The following PCDHGB6 variants were observed in gnomAD, a reference collection of about 807,000 sequenced individuals.
PCDHGB6 encodes the protein protocadherin gamma subfamily B, 6.
PCDHGB6 carries 51 observed loss-of-function variants against 59.1 expected under a neutral mutation model. That is an observed-to-expected ratio of 0.86 (90% CI 0.69 to 1.09). The LOEUF (loss-of-function observed/expected upper bound fraction) is 1.09. PCDHGB6 is among the 50% of genes least tolerant of loss of function. The pLI is 0.00. For missense variants in PCDHGB6, 1,148 were observed against 1,205.1 expected (o/e 0.95, Z 0.70); for synonymous variants, 466 against 495.1 (o/e 0.94, Z 0.78).
intron 1 of PCDHGB6, among the ~76,000 whole-genome samples, chr5:141,456,406 G>A (rs1038971451): frequency 2.0e-5 from 3 of 152,080 alleles, no homozygotes; most frequent in South Asian, 2.1e-4. Flanking sequence ...GCTTCTAGGC[G>A]AGAAGAAACA....
chr5:141,415,189 A>T (rs575244490), intron 1 of PCDHGB6: 2 of 1,613,840 alleles, frequency 1.2e-6, no homozygotes, highest in Non-Finnish European at 1.7e-6. Context: ...GGCCGACAGC[A>T]TCCCCCAAGT....
intron 1 of PCDHGB6, among the ~76,000 whole-genome samples, chr5:141,448,813 C>T (rs1020956433): frequency 2.0e-5 from 3 of 151,800 alleles, no homozygotes; most frequent in Admixed American, 1.3e-4. Context: ...GGCGTGATGG[C>T]GGGCGCCTGT....
chr5:141,419,845 G>A, intron 1 of PCDHGB6: 3 of 1,614,064 alleles, frequency 1.9e-6, no homozygotes, highest in Non-Finnish European at 2.5e-6. Context: ...CGCTGCACCT[G>A]GTGTTCGCAG....
At chr5:141,414,945 C>G in intron 1 of PCDHGB6, 2 of 1,614,098 alleles carry the variant, frequency 1.2e-6, no homozygotes, top group Non-Finnish European at 8.5e-7. Flanking sequence ...AGCCCGGCTA[C>G]CTGGTGACCA....
At chr5:141,419,023 A>T (rs768427376) in intron 1 of PCDHGB6, 2 of 1,613,958 alleles carry the variant, frequency 1.2e-6, no homozygotes, top group Non-Finnish European at 1.7e-6. Flanking sequence ...GCTTAAGTAG[A>T]GGTGTTCCAT....
chr5:141,447,942 T>C (rs1476141059), intron 1 of PCDHGB6, among the ~76,000 whole-genome samples: 2 of 151,740 alleles, frequency 1.3e-5, no homozygotes, highest in African/African-American at 4.8e-5. Context: ...AAAAATTAGC[T>C]GGGCATGGTG....
At position 141,490,807 on chromosome 5, in the gene PCDHGB6, G is replaced by T. The variant is rs1315856354; in HGVS notation, c.2419-4000G>T. Reference sequence around the variant, plus strand: ...ACGGATCTTTGCCCAGCGTACCTTTGACTATGAATTGCTGCAGATGCTGCA... The same window carrying T: ...ACGGATCTTTGCCCAGCGTACCTTTTACTATGAATTGCTGCAGATGCTGCA... On this transcript the variant is annotated intron_variant, in intron 1 of 3. Transcript: ENST00000520790. This position sits in a 1 kb window ranked among gnomAD's most constrained non-coding sequence, Gnocchi z 5.4. 6.2e-7 allele frequency: 1 copy of T among 1,613,924 alleles called. No individual in the cohort carries two copies. The highest frequency in any genetic ancestry group is 8.5e-7 in the Non-Finnish European group (1 of 1,179,870).
intron 1 of PCDHGB6, among the ~76,000 whole-genome samples, chr5:141,474,926 C>T (rs756761848): frequency 1.3e-5 from 2 of 152,218 alleles, no homozygotes; most frequent in Non-Finnish European, 2.9e-5. Context: ...TCATCTCTGG[C>T]TTATATCACA....
chr5:141,505,570 C>A, intron 3 of PCDHGB6, 89 bp downstream of exon 3: 1 of 1,598,160 alleles, frequency 6.3e-7, no homozygotes, highest in South Asian at 1.1e-5. Context: ...GACTGGATGT[C>A]AAACCTGTGT....
intron 1 of PCDHGB6, among the ~76,000 whole-genome samples, chr5:141,438,771 C>T (rs1056879944): frequency 1.3e-5 from 2 of 149,126 alleles, no homozygotes; most frequent in Non-Finnish European, 3.0e-5. Flanking sequence ...AAGCGATTCT[C>T]CTGCCTCAGC....
Position 141,489,409 on chromosome 5 carries a change from A to T in PCDHGB6, c.2419-5398A>T. On this transcript the variant is annotated intron_variant, in intron 1 of 3. Transcript: ENST00000520790. The surrounding 1 kb of genome is among the most constrained non-coding windows in gnomAD (Gnocchi z 4.5). ...TGCTCAGGATCTGGGCTTAAAGATG[A>T]CAGATCTGTTGAGCCGGCGGCTGCA... 1.9e-6 allele frequency: 3 copies of T among 1,614,114 alleles called. No homozygotes were observed. The highest frequency in any genetic ancestry group is 2.5e-6 in the Non-Finnish European group (3 of 1,180,004).
chr5:141,455,593 C>G (rs957677108), intron 1 of PCDHGB6, among the ~76,000 whole-genome samples: 19 of 152,068 alleles, frequency 1.2e-4, no homozygotes, highest in African/African-American at 4.6e-4. Context: ...AATATGCAAA[C>G]GTAGGGCGCC....
chr5:141,458,394 T>A (rs2098944697), intron 1 of PCDHGB6, among the ~76,000 whole-genome samples: 1 of 152,062 alleles, frequency 6.6e-6, no homozygotes, highest in African/African-American at 2.4e-5. Context: ...ACGCTCCCCC[T>A]TGCAGAGACG....
Position 141,477,403 on chromosome 5 carries a change from C to T in PCDHGB6, c.2419-17404C>T, listed in dbSNP as rs1329599078. 2 of 1,614,164 alleles carry T rather than the reference C, an allele frequency of 1.2e-6. No individual in the cohort carries two copies. Among genetic ancestry groups the T allele is most frequent in the Non-Finnish European group, 1.7e-6 (2 of 1,180,042 alleles). ...CAGAATACAACCTCAGCATCACCGC[C>T]CGAGACGCCGGAACCCCTTCCCTCT... is the stretch of plus-strand genomic sequence containing the variant. On this transcript the variant is annotated intron_variant, in intron 1 of 3. Transcript: ENST00000520790. The surrounding 1 kb of genome is among the most constrained non-coding windows in gnomAD (Gnocchi z 4.9).
rs2099402935 is a variant in PCDHGB6, at chr5:141,476,991, G to A, written c.2419-17816G>A. On this transcript the variant is annotated intron_variant, in intron 1 of 3. Transcript: ENST00000520790. The surrounding 1 kb of genome is among the most constrained non-coding windows in gnomAD (Gnocchi z 7.6). ...GGCAGCCACAACCGCGCCGGCGTGC[G>A]GCAACTATTCGCCTTAGACCTTGTA... 4 of 1,614,094 alleles carry A rather than the reference G, an allele frequency of 2.5e-6. No homozygotes were observed. Among genetic ancestry groups the A allele is most frequent in the Non-Finnish European group, 3.4e-6 (4 of 1,180,056 alleles).
chr5:141,492,050 C>CT, intron 1 of PCDHGB6: 1 of 501,102 alleles, frequency 2.0e-6, no homozygotes, highest in Non-Finnish European at 3.5e-6. Flanking sequence ...AGATCCACCC[C>CT]TGCAGCCAGC....
rs2099746867 is a variant in PCDHGB6, at chr5:141,493,199, C to T, written c.2419-1608C>T. Among the ~76,000 whole-genome samples the T allele has an allele frequency of 6.6e-6, 1 of 152,168 alleles. No individual in the cohort carries two copies. Among genetic ancestry groups the T allele is most frequent in the Non-Finnish European group, 1.5e-5 (1 of 68,020 alleles). ...CTTACTATATAACTCCTTTGAGAAC[C>T]TCATCTCATTTGCTCTTCCCACCAT... On this transcript the variant is annotated intron_variant, in intron 1 of 3. Coordinates refer to ENST00000520790, the MANE Select transcript of PCDHGB6 (RefSeq NM_018926.3). This position sits in a 1 kb window ranked among gnomAD's most constrained non-coding sequence, Gnocchi z 4.3.
At position 141,432,232 on chromosome 5, in the gene PCDHGB6, G is replaced by A. The variant is rs766929605; in HGVS notation, c.2418+21612G>A. Reference sequence around the variant, plus strand: ...AGAACGCCCAGATCACTTATTCCCTGGCTGAGAACACCATCCAAGGGGCAA... The same window carrying A: ...AGAACGCCCAGATCACTTATTCCCTAGCTGAGAACACCATCCAAGGGGCAA... On this transcript the variant is annotated intron_variant, in intron 1 of 3. Coordinates refer to ENST00000520790, the MANE Select transcript of PCDHGB6 (RefSeq NM_018926.3). The surrounding 1 kb of genome is among the most constrained non-coding windows in gnomAD (Gnocchi z 6.0). The A allele has an allele frequency of 6.2e-7, 1 of 1,614,188 alleles. No homozygotes were observed. The highest frequency in any genetic ancestry group is 1.6e-4 in the Middle Eastern group (1 of 6,062).
At chr5:141,460,989 A>G (rs199888312) in intron 1 of PCDHGB6, among the ~76,000 whole-genome samples, 3,445 of 98,242 alleles carry the variant, frequency 0.035, 55 homozygotes, top group African/African-American at 0.064. Context: ...GTGTGTATAT[A>G]TATATATGTG....
Sources: gnomAD v4.1 joint callset for allele counts (sites outside exome capture counted in the v4.1 genomes callset) on GRCh38, gnomAD v4.1.1 for gene constraint, Gnocchi (gnomAD v3.1) non-coding constraint, MANE v1.5 for transcripts, NCBI Gene and HGNC (gene_info 2026-07-23, HGNC 2026-07-21) for gene names.